Variants in GALNT16 observed in about 807,000 individuals in gnomAD.
The protein encoded by GALNT16 is UDP-GalNAc:polypeptide N-acetylgalactosaminyltransferase-like protein 1.
GALNT16 carries 40 observed loss-of-function variants against 76.1 expected under a neutral mutation model. The observed-to-expected ratio is 0.53, with a 90% CI of 0.41 to 0.68. GALNT16 has a LOEUF of 0.68. GALNT16 is among the 30% of genes least tolerant of loss of function. The pLI, the probability that GALNT16 is intolerant of heterozygous loss-of-function variation, is 0.00. For synonymous variants in GALNT16, 276 were observed against 285.2 expected (o/e 0.97, Z 0.32); for missense variants, 621 against 731.9 (o/e 0.85, Z 1.75).
Position 69,260,264 on chromosome 14 carries a change from C to G in GALNT16, c.-27C>G, listed in dbSNP as rs750739701. On this transcript the variant is annotated 5_prime_UTR_variant, in exon 1 of 15. Coordinates refer to ENST00000448469, the MANE Select transcript of GALNT16 (RefSeq NM_001168368.2). ...CCCCGAGAGCACGCCGGCCCAGTCC[C>G]CCACCTGGGGCGCCCGTCTGCCCAC... 54 of 1,608,540 alleles carry G rather than the reference C, an allele frequency of 3.4e-5. No individual in the cohort carries two copies. The highest frequency in any genetic ancestry group is 4.2e-5 in the Non-Finnish European group (50 of 1,176,782).
In GALNT16 at chr14:69,338,772, C is replaced by T. The variant is rs1381988060; in HGVS notation, c.1089C>T (p.Tyr363=). 3.7e-6 allele frequency: 6 copies of T among 1,612,372 alleles called. No individual in the cohort carries two copies. Among genetic ancestry groups the T allele is most frequent in the South Asian group, 3.3e-5 (3 of 90,972 alleles). The part of the protein sequence containing the change: ...YNFPEGNALT[Y]IRNTKRTAEV... ...TCCCTGAGGGTAATGCCCTCACCTA[C>T]ATCAGGTAGGTCACCGAGAAAGGAG... The change falls in exon 10 of 15, where the codon TAC becomes TAT. Residue 363 remains tyrosine, a synonymous_variant. Coordinates refer to ENST00000448469, the MANE Select transcript of GALNT16 (RefSeq NM_001168368.2).
intron 12 of GALNT16, 31 bp downstream of exon 12, chr14:69,341,795 C>G (rs751564154): frequency 6.5e-7 from 1 of 1,532,538 alleles, no homozygotes; most frequent in South Asian, 1.1e-5. Context: ...GTGCATCCCC[C>G]AGGCGGGTAG....
At chr14:69,338,535 C>T in intron 9 of GALNT16, 116 bp from the exon 10 acceptor site, 1 of 1,442,080 alleles carries the variant, frequency 6.9e-7, no homozygotes. Context: ...GGCCCAGGAG[C>T]CCCGACCCCA....
chr14:69,261,258 C>A lies in GALNT16; in HGVS notation c.177+791C>A, dbSNP rs1594803719. 6.6e-6 allele frequency among the ~76,000 whole-genome samples: 1 copy of A among 152,170 alleles called. No homozygotes were observed. The highest frequency in any genetic ancestry group is 2.4e-5 in the African/African-American group (1 of 41,544). ...GGGGGCCCTTGGCGCTCTGGGGACCCGGGCGGGGGCGTGCGGAGCCGCAGC... is the reference window on the plus strand; with the variant it reads ...GGGGGCCCTTGGCGCTCTGGGGACCAGGGCGGGGGCGTGCGGAGCCGCAGC... On this transcript the variant is annotated intron_variant, in intron 1 of 14. Coordinates refer to ENST00000448469, the MANE Select transcript of GALNT16 (RefSeq NM_001168368.2). This position sits in a 1 kb window ranked among gnomAD's most constrained non-coding sequence, Gnocchi z 6.4.
chr14:69,272,957 AAT>A (rs777290604), intron 1 of GALNT16, among the ~76,000 whole-genome samples: 1 of 152,208 alleles, frequency 6.6e-6, no homozygotes, highest in Non-Finnish European at 1.5e-5. Flanking sequence ...GAACTTGCCT[AAT>A]GACGCATTTC....
At position 69,333,399 on chromosome 14, in the gene GALNT16, G is replaced by C; in HGVS notation, c.864-98G>C. 2.6e-6 allele frequency: 2 copies of C among 770,814 alleles called. No individual in the cohort carries two copies. Among genetic ancestry groups the C allele is most frequent in the Non-Finnish European group, 4.5e-6 (2 of 440,980 alleles). The allele number at this position is 770,814 out of a possible 1,614,324, so 47.7% of individuals were successfully genotyped here. The stretch of plus-strand genomic sequence containing the variant: ...TCCTGCCCCAGTGACTCTGCAGGGA[G>C]GGATCTAGAGGCAGACGGTCTTGGG... On this transcript the variant is annotated intron_variant, in intron 8 of 14. Transcript: ENST00000448469. The surrounding 1 kb of genome is among the most constrained non-coding windows in gnomAD (Gnocchi z 4.2).
rs1455325836 is a variant in GALNT16 at position 69,296,767 on chromosome 14, TAGAC to T, written c.178-23940_178-23937del. ...ATAGATAGATAGATAGATAGATAGA[TAGAC>T]AGATAGATGATAGAGATAGACAGAC... is the stretch of plus-strand genomic sequence containing the variant. On this transcript the variant is annotated intron_variant, in intron 1 of 14. Transcript: ENST00000448469. Among the ~76,000 whole-genome samples the T allele has an allele frequency of 3.2e-3, 416 of 131,104 alleles. 3 individuals carry two copies. Among genetic ancestry groups the T allele is most frequent in the East Asian group, 0.019 (50 of 2,606 alleles). 86.0% of individuals were successfully genotyped at this position (131,104 alleles called of 152,430 possible).
At chr14:69,269,485 A>ATGTGTGTGTGTGGCATT (rs1555395630) in intron 1 of GALNT16, among the ~76,000 whole-genome samples, 6 of 141,896 alleles carry the variant, frequency 4.2e-5, no homozygotes, top group African/African-American at 1.6e-4. Flanking sequence ...GTAGTATGTG[A>ATGTGTGTGTGTGGCATT]TGTGTGTGTG....
chr14:69,331,639 C>G, intron 7 of GALNT16, 88 bp downstream of exon 7: 1 of 779,812 alleles, frequency 1.3e-6, no homozygotes, highest in South Asian at 1.4e-5. Flanking sequence ...GCTGCTCTTT[C>G]CAGCTGTGCC....
At chr14:69,372,125 T>C in the GALNT16 span, among the ~76,000 whole-genome samples, 2 of 152,068 alleles carry the variant, frequency 1.3e-5, no homozygotes, top group Non-Finnish European at 2.9e-5. Context: ...GGCATCCCTG[T>C]GCAGGAGTGG....
chr14:69,287,772 G>A (rs2044633139), intron 1 of GALNT16, among the ~76,000 whole-genome samples: 1 of 152,156 alleles, frequency 6.6e-6, no homozygotes, highest in African/African-American at 2.4e-5. Context: ...ACTGCCTCTT[G>A]TGTTCAGATT....
At chr14:69,269,996 T>A (rs944345239) in intron 1 of GALNT16, among the ~76,000 whole-genome samples, 18 of 151,962 alleles carry the variant, frequency 1.2e-4, no homozygotes, top group Admixed American at 1.0e-3. Flanking sequence ...GGAGAATTCC[T>A]CTGAATGGTG....
intron 1 of GALNT16, among the ~76,000 whole-genome samples, chr14:69,282,857 G>C (rs948331039): frequency 3.3e-5 from 5 of 152,044 alleles, no homozygotes; most frequent in African/African-American, 4.8e-5. Flanking sequence ...GTAGAGATGG[G>C]GCTTCACCAT....
chr14:69,334,331 G>A (rs1329392097), intron 9 of GALNT16, among the ~76,000 whole-genome samples: 5 of 152,200 alleles, frequency 3.3e-5, no homozygotes, highest in African/African-American at 7.2e-5. Context: ...ACCAGGGAAG[G>A]GTTACCAAGT....
chr14:69,311,866 G>A (rs2045025114), intron 1 of GALNT16, among the ~76,000 whole-genome samples: 1 of 152,104 alleles, frequency 6.6e-6, no homozygotes, highest in Admixed American at 6.5e-5. Flanking sequence ...CACACTATAA[G>A]TGTTCTATAT....
At chr14:69,301,548 T>C (rs879877243) in intron 1 of GALNT16, among the ~76,000 whole-genome samples, 24 of 152,068 alleles carry the variant, frequency 1.6e-4, no homozygotes, top group Non-Finnish European at 2.6e-4. Flanking sequence ...GAGACAGGCT[T>C]TCACCATGTT....
chr14:69,302,927 G>A lies in GALNT16; in HGVS notation c.178-17784G>A, dbSNP rs767378991. On this transcript the variant is annotated intron_variant, in intron 1 of 14. Coordinates refer to ENST00000448469, the MANE Select transcript of GALNT16 (RefSeq NM_001168368.2). ...CTTATCTGAAATTTTAATTTAACTG[G>A]GTATCCTGTATTTTACATGGCAACC... Among the ~76,000 whole-genome samples, 62 of 152,008 alleles carry A rather than the reference G, an allele frequency of 4.1e-4. No homozygotes were observed. The Middle Eastern group carries it at 0.017, about 42-fold the overall frequency.
intron 2 of GALNT16, among the ~76,000 whole-genome samples, chr14:69,323,955 G>A (rs1320070037): frequency 6.6e-6 from 1 of 152,146 alleles, no homozygotes; most frequent in East Asian, 1.9e-4. Flanking sequence ...AAATGCATAC[G>A]CAGAAACAAC....
At chr14:69,295,021 C>T (rs1276004436) in intron 1 of GALNT16, among the ~76,000 whole-genome samples, 1 of 152,072 alleles carries the variant, frequency 6.6e-6, no homozygotes, top group Admixed American at 6.5e-5. Context: ...GGATTGTTTC[C>T]ACCTTTTGAT....
Sources: gnomAD v4.1 joint callset for allele counts (sites outside exome capture counted in the v4.1 genomes callset) on GRCh38, gnomAD v4.1.1 for gene constraint, Gnocchi (gnomAD v3.1) non-coding constraint, MANE v1.5 for transcripts, NCBI Gene and HGNC (gene_info 2026-07-23, HGNC 2026-07-21) for gene names.